TUT4: variants seen among roughly 807,000 people sequenced by gnomAD.
TUT4 encodes terminal uridylyl transferase 4.
TUT4 carries 36 observed loss-of-function variants against 192.2 expected under a neutral mutation model. That is an observed-to-expected ratio of 0.19 (90% CI 0.14 to 0.25). The LOEUF is 0.25. TUT4 is among the 10% of genes least tolerant of loss of function. The pLI is 1.00. For missense variants in TUT4, 1,493 were observed against 1,957.2 expected, an observed-to-expected ratio of 0.76 and a Z score of 4.47; for synonymous variants, 618 against 666.0, an observed-to-expected ratio of 0.93 and a Z score of 1.11.
At chr1:52,547,675 G>A (rs1184066239) in intron 1 of TUT4, among the ~76,000 whole-genome samples, 1 of 152,110 alleles carries the variant, frequency 6.6e-6, no homozygotes, top group Admixed American at 6.5e-5. Context: ...CTCCATAGAA[G>A]GTAATACTAT....
chr1:52,467,211 G>A (rs1401226391), intron 15 of TUT4, among the ~76,000 whole-genome samples: 1 of 152,130 alleles, frequency 6.6e-6, no homozygotes, highest in Admixed American at 6.5e-5. Flanking sequence ...ACTTTTAATT[G>A]TAATATGTAG....
intron 20 of TUT4, 81 bp downstream of exon 20, chr1:52,458,255 G>A: frequency 1.1e-6 from 1 of 948,238 alleles, no homozygotes; most frequent in Non-Finnish European, 1.6e-6. Flanking sequence ...CCTTCATGAT[G>A]ACATGAACCA....
chr1:52,521,277 A>G (rs1436597803), intron 2 of TUT4, among the ~76,000 whole-genome samples: 1 of 152,204 alleles, frequency 6.6e-6, no homozygotes, highest in African/African-American at 2.4e-5. Flanking sequence ...TAAATGACAA[A>G]AAGAAAAATG....
intron 1 of TUT4, among the ~76,000 whole-genome samples, chr1:52,532,096 C>T (rs1176534948): frequency 1.3e-5 from 2 of 151,550 alleles, no homozygotes; most frequent in African/African-American, 4.8e-5. Context: ...CCATGTTGGT[C>T]AGGATGGTCC....
chr1:52,428,623 C>CT (rs1650841391), intron 28 of TUT4, among the ~76,000 whole-genome samples: 1 of 108,362 alleles, frequency 9.2e-6, no homozygotes, highest in Admixed American at 9.7e-5. Flanking sequence ...AAGACTCCCT[C>CT]TAAAAAAAAA....
intron 3 of TUT4, among the ~76,000 whole-genome samples, chr1:52,512,205 C>T (rs529909729): frequency 6.6e-6 from 1 of 152,306 alleles, no homozygotes; most frequent in East Asian, 1.9e-4. Context: ...TGTATCACTA[C>T]AGCCTGATTC....
At chr1:52,484,024 G>A (rs1277305541) in intron 9 of TUT4, among the ~76,000 whole-genome samples, 1 of 151,796 alleles carries the variant, frequency 6.6e-6, no homozygotes, top group East Asian at 1.9e-4. Context: ...CAGGTGCAAA[G>A]GCCTTGCCTC....
At chr1:52,531,964 T>C (rs1287340296) in intron 1 of TUT4, among the ~76,000 whole-genome samples, 1 of 134,150 alleles carries the variant, frequency 7.5e-6, no homozygotes, top group African/African-American at 2.8e-5. Flanking sequence ...CTCAGCTCAC[T>C]GCAACCTCCA....
At chr1:52,552,007 C>G (rs1445666495) in intron 1 of TUT4, among the ~76,000 whole-genome samples, 2 of 152,184 alleles carry the variant, frequency 1.3e-5, no homozygotes, top group Non-Finnish European at 2.9e-5. Context: ...AATTTAAGAT[C>G]ACGATAGGGC....
intron 4 of TUT4, among the ~76,000 whole-genome samples, chr1:52,498,379 G>A (rs1673019208): frequency 6.6e-6 from 1 of 151,738 alleles, no homozygotes; most frequent in African/African-American, 2.4e-5. Flanking sequence ...GAGTAGCTGG[G>A]ACTACAGGCA....
Position 52,439,705 on chromosome 1 carries a change from T to TTC in TUT4, c.3823-1371_3823-1370insGA, listed in dbSNP as rs1397542415. ...GGAATGTAAAGTAGCACAGCCACTT[T>TTC]AGAAAACAGTTCCTTGAAAAGTTAA... is the stretch of plus-strand genomic sequence containing the variant. On this transcript the variant is annotated intron_variant, in intron 24 of 29. Transcript: ENST00000257177. Among the ~76,000 whole-genome samples, 4 of 152,216 alleles carry TTC rather than the reference T, an allele frequency of 2.6e-5. No individual in the cohort carries two copies. In the East Asian group the frequency reaches 7.7e-4, roughly 29 times the overall value.
chr1:52,460,006 A>G (rs1662126922), intron 19 of TUT4, among the ~76,000 whole-genome samples: 1 of 152,194 alleles, frequency 6.6e-6, no homozygotes, highest in Non-Finnish European at 1.5e-5. Context: ...TTTAGCTTAT[A>G]TCTATATTTA....
At chr1:52,485,463 T>C (rs569760518) in intron 9 of TUT4, among the ~76,000 whole-genome samples, 1 of 152,302 alleles carries the variant, frequency 6.6e-6, no homozygotes, top group East Asian at 1.9e-4. Context: ...CATTTTCTTA[T>C]TGCATTTCCT....
At chr1:52,541,124 T>C (rs969380997) in intron 1 of TUT4, among the ~76,000 whole-genome samples, 1 of 150,316 alleles carries the variant, frequency 6.7e-6, no homozygotes, top group Admixed American at 6.7e-5. Context: ...AAGAATTGCC[T>C]GAACCCAGGA....
chr1:52,467,839 A>T (rs1439320719), intron 15 of TUT4, among the ~76,000 whole-genome samples: 1 of 152,126 alleles, frequency 6.6e-6, no homozygotes. Flanking sequence ...CTCCTTGGAT[A>T]TTTATATAAC....
In TUT4 at chr1:52,497,129, A is replaced by G; in HGVS notation, c.1054T>C (p.Leu352=). The change falls in exon 5 of 30, where the codon TTG becomes CTG. Residue 352 remains leucine, a synonymous_variant. Coordinates refer to ENST00000257177, the MANE Select transcript of TUT4 (RefSeq NM_001009881.3). ...ATGACTGCAACACTTAAAGCAGCCAAGTGGGCAGGGGAAGGAGGTGGCAGA... is the reference window on the plus strand; with the variant it reads ...ATGACTGCAACACTTAAAGCAGCCAGGTGGGCAGGGGAAGGAGGTGGCAGA... ...RSLPPPSPAH[L]AALSVAVIEL... is the part of the protein sequence containing the mutation. 6.2e-7 allele frequency: 1 copy of G among 1,613,780 alleles called. No individual in the cohort carries two copies. The highest frequency in any genetic ancestry group is 8.5e-7 in the Non-Finnish European group (1 of 1,179,860).
chr1:52,480,982 T>C (rs1668353768), intron 11 of TUT4, among the ~76,000 whole-genome samples: 1 of 152,214 alleles, frequency 6.6e-6, no homozygotes, highest in Admixed American at 6.5e-5. Flanking sequence ...CCATGTACCT[T>C]TGGTTCTCTA....
At chr1:52,483,128 G>A (rs975676401) in intron 9 of TUT4, among the ~76,000 whole-genome samples, 3 of 152,136 alleles carry the variant, frequency 2.0e-5, no homozygotes, top group African/African-American at 7.2e-5. Context: ...AATTTTCAAT[G>A]GGATGGGTGA....
intron 11 of TUT4, among the ~76,000 whole-genome samples, chr1:52,480,403 AT>A (rs781563730): frequency 7.9e-5 from 12 of 152,234 alleles, no homozygotes; most frequent in Non-Finnish European, 1.8e-4. Flanking sequence ...GGATTTAGTA[AT>A]GTGGAGGTTA....
Sources: allele counts gnomAD v4.1 joint callset (sites outside exome capture counted in the v4.1 genomes callset), GRCh38; gene constraint gnomAD v4.1.1; transcripts MANE v1.5; gene names NCBI Gene and HGNC (gene_info 2026-07-23, HGNC 2026-07-21).